Variants in CDYL observed in about 807,000 individuals in gnomAD.
The protein encoded by CDYL is chromodomain Y like, also known as chromodomain Y-like protein.
CDYL carries 8 observed loss-of-function variants against 47.3 expected under a neutral mutation model. The ratio of observed to expected loss-of-function variants is 0.17; its 90% CI spans 0.10 to 0.31. The LOEUF (loss-of-function observed/expected upper bound fraction) is 0.31, where lower values mean the gene tolerates loss of function less well. Among genes scored for constraint, CDYL ranks in the 10% least tolerant of loss-of-function variants. CDYL has a pLI of 1.00. For missense variants in CDYL, 471 were observed against 701.4 expected, an observed-to-expected ratio of 0.67 and a Z score of 3.71; for synonymous variants, 266 against 265.0, an observed-to-expected ratio of 1.00 and a Z score of -0.04.
chr6:4,812,133 A>G (rs1759547205), intron 1 of CDYL, among the ~76,000 whole-genome samples: 1 of 152,254 alleles, frequency 6.6e-6, no homozygotes, highest in Non-Finnish European at 1.5e-5. Flanking sequence ...TGTTTTCTAT[A>G]GTGAACATAG....
At chr6:4,894,964 TA>T (rs1333575994) in intron 2 of CDYL, among the ~76,000 whole-genome samples, 24 of 150,572 alleles carry the variant, frequency 1.6e-4, no homozygotes, top group East Asian at 7.7e-4. Flanking sequence ...TATATATACG[TA>T]TGTGTATATG....
intron 2 of CDYL, among the ~76,000 whole-genome samples, chr6:4,908,508 G>A (rs192410947): frequency 3.3e-5 from 5 of 152,260 alleles, no homozygotes; most frequent in Admixed American, 3.3e-4. Context: ...GATTAAGCTA[G>A]CTACTTATTG....
intron 2 of CDYL, among the ~76,000 whole-genome samples, chr6:4,929,350 A>G (rs1757967260): frequency 6.6e-6 from 1 of 151,934 alleles, no homozygotes; most frequent in Non-Finnish European, 1.5e-5. Flanking sequence ...TTCTCATGTT[A>G]TCAGCAGATG....
At chr6:4,896,346 A>G (rs1762283534) in intron 2 of CDYL, among the ~76,000 whole-genome samples, 1 of 152,222 alleles carries the variant, frequency 6.6e-6, no homozygotes, top group Admixed American at 6.5e-5. Flanking sequence ...GCTAGATCGT[A>G]AGCTCCAAGA....
At chr6:4,912,358 T>C (rs911129262) in intron 2 of CDYL, among the ~76,000 whole-genome samples, 2 of 152,158 alleles carry the variant, frequency 1.3e-5, no homozygotes, top group Non-Finnish European at 2.9e-5. Context: ...CAACCCCAGC[T>C]CATCATCATC....
intron 2 of CDYL, among the ~76,000 whole-genome samples, chr6:4,728,638 A>G (rs12214737): frequency 0.14 from 22,015 of 152,160 alleles, 2,146 homozygotes; most frequent in African/African-American, 0.29. Context: ...TATTAAAGGG[A>G]AAGGAAGTCC....
chr6:4,724,285 A>G (rs942702302), intron 2 of CDYL: 1 of 151,812 alleles, frequency 6.6e-6, no homozygotes, highest in East Asian at 1.9e-4. Flanking sequence ...TCCTGACTTC[A>G]TATAATCCAC....
At chr6:4,797,675 A>G (rs1434331552) in intron 1 of CDYL, among the ~76,000 whole-genome samples, 1 of 152,208 alleles carries the variant, frequency 6.6e-6, no homozygotes, top group Non-Finnish European at 1.5e-5. Flanking sequence ...TGTACATGTC[A>G]TATAAATGGA....
intron 4 of CDYL, among the ~76,000 whole-genome samples, chr6:4,939,546 CATT>C (rs1349182910): frequency 6.6e-6 from 1 of 152,176 alleles, no homozygotes; most frequent in Non-Finnish European, 1.5e-5. Context: ...CAGGCTATCA[CATT>C]ATGTGTGGTT....
chr6:4,810,495 G>T (rs918448621), intron 1 of CDYL, among the ~76,000 whole-genome samples: 4 of 152,108 alleles, frequency 2.6e-5, no homozygotes, highest in Non-Finnish European at 4.4e-5. Flanking sequence ...CTGAGACTTT[G>T]CCTCCAATTT....
At chr6:4,892,794 T>C (rs1022999305) in intron 2 of CDYL, among the ~76,000 whole-genome samples, 1 of 152,220 alleles carries the variant, frequency 6.6e-6, no homozygotes, top group Admixed American at 6.5e-5. Context: ...TGCTCATCTG[T>C]GTGAATACCC....
At chr6:4,941,110 C>T (rs1013540452) in intron 4 of CDYL, among the ~76,000 whole-genome samples, 2 of 152,216 alleles carry the variant, frequency 1.3e-5, no homozygotes, top group Non-Finnish European at 2.9e-5. Context: ...AGCCTCCTTC[C>T]CTGCCATACC....
At chr6:4,796,931 A>G (rs1426443300) in intron 1 of CDYL, among the ~76,000 whole-genome samples, 1 of 152,154 alleles carries the variant, frequency 6.6e-6, no homozygotes, top group Admixed American at 6.5e-5. Flanking sequence ...ATTTTTCTAC[A>G]TGGATTTGCT....
At chr6:4,875,300 A>G (rs1395412253) in intron 1 of CDYL, among the ~76,000 whole-genome samples, 1 of 152,072 alleles carries the variant, frequency 6.6e-6, no homozygotes, top group Non-Finnish European at 1.5e-5. Context: ...CTATTTATAC[A>G]TTTGCTGTAT....
At chr6:4,845,368 T>C (rs1276019603) in intron 1 of CDYL, among the ~76,000 whole-genome samples, 1 of 152,228 alleles carries the variant, frequency 6.6e-6, no homozygotes, top group East Asian at 1.9e-4. Context: ...TTTTGAAGGC[T>C]AAATGAGTTG....
intron 2 of CDYL, among the ~76,000 whole-genome samples, chr6:4,723,953 G>A (rs139300019): frequency 0.018 from 2,682 of 152,246 alleles, 35 homozygotes; most frequent in Non-Finnish European, 0.025. Context: ...AATGAGCCCT[G>A]GGGATTAAAA....
At chr6:4,783,723 C>A (rs1018947600) in intron 1 of CDYL, among the ~76,000 whole-genome samples, 1 of 152,164 alleles carries the variant, frequency 6.6e-6, no homozygotes, top group Admixed American at 6.6e-5. Context: ...CTGGCCAAGA[C>A]TGTTGTCAGC....
At chr6:4,873,833 C>T (rs963281553) in intron 1 of CDYL, among the ~76,000 whole-genome samples, 49 of 152,198 alleles carry the variant, frequency 3.2e-4, no homozygotes, top group African/African-American at 1.2e-3. Context: ...GTAGGAACAT[C>T]GCACAGGGGA....
intron 1 of CDYL, among the ~76,000 whole-genome samples, chr6:4,858,749 G>A (rs1761083767): frequency 6.6e-6 from 1 of 152,194 alleles, no homozygotes; most frequent in Non-Finnish European, 1.5e-5. Flanking sequence ...CTATTAGACT[G>A]TGTGAGTTTG....
Sources: allele counts gnomAD v4.1 joint callset (sites outside exome capture counted in the v4.1 genomes callset), GRCh38; gene constraint gnomAD v4.1.1; transcripts MANE v1.5; gene names NCBI Gene and HGNC (gene_info 2026-07-23, HGNC 2026-07-21).